ALLC: variants seen among roughly 807,000 people sequenced by gnomAD.
ALLC encodes probable inactive allantoicase.
Under a neutral mutation model 45.0 loss-of-function variants are expected in ALLC, and 40 were observed. The ratio of observed to expected loss-of-function variants is 0.89; its 90% CI spans 0.69 to 1.16. ALLC has a LOEUF of 1.16. Among genes scored for constraint, ALLC ranks in the 50% most tolerant of loss-of-function variants. The pLI is 0.00. For synonymous variants in ALLC, 176 were observed against 178.1 expected, an observed-to-expected ratio of 0.99 and a Z score of 0.09; for missense variants, 488 against 493.1, an observed-to-expected ratio of 0.99 and a Z score of 0.10.
intron 11 of ALLC, 115 bp downstream of exon 11, chr2:3,701,751 A>G (rs910930289): frequency 2.1e-5 from 27 of 1,281,762 alleles, no homozygotes; most frequent in Non-Finnish European, 2.7e-5. Flanking sequence ...TGGTAAAACG[A>G]ATGAGGTTTA....
At chr2:3,693,281 T>G (rs926351150) in intron 7 of ALLC, among the ~76,000 whole-genome samples, 1 of 152,186 alleles carries the variant, frequency 6.6e-6, no homozygotes, top group African/African-American at 2.4e-5. Context: ...CAGAAGTGGT[T>G]CTCTGGAACC....
chr2:3,657,508 TCCTG>T (rs1666470714), upstream of ALLC, among the ~76,000 whole-genome samples: 2 of 152,192 alleles, frequency 1.3e-5, no homozygotes, highest in South Asian at 4.2e-4. Context: ...CGGGTGGCTT[TCCTG>T]CCTTCAAGGC....
At position 3,695,731 on chromosome 2, in the gene ALLC, C is replaced by T. The variant is rs753867733; in HGVS notation, c.526C>T (p.Arg176Ter). The change falls in exon 8 of 12, where the codon CGA (arginine) becomes TGA (stop). Residue 176 changes from arginine (R) to a stop codon, truncating the protein, a stop_gained. Coordinates refer to ENST00000252505, the MANE Select transcript of ALLC (RefSeq NM_018436.4). LOFTEE classifies it high-confidence loss of function. ...LNIFPDGGIARLRVFGTGQKD... is the reference protein window; with the variant it reads ...LNIFPDGGIA The stretch of plus-strand genomic sequence containing the variant: ...TTCCTTTTCAGATGGTGGAATTGCA[C>T]GACTTAGAGTATTCGGTACTGGACA... 1.8e-5 allele frequency: 29 copies of T among 1,613,832 alleles called. No homozygotes were observed. Among genetic ancestry groups the T allele is most frequent in the African/African-American group, 8.0e-5 (6 of 74,910 alleles).
intron 6 of ALLC, 122 bp from the exon 7 acceptor site, chr2:3,682,820 C>CG: frequency 1.9e-6 from 2 of 1,064,422 alleles, no homozygotes; most frequent in Non-Finnish European, 2.7e-6. Flanking sequence ...CCACCGTGCC[C>CG]GGCATCCATC....
chr2:3,656,562 T>C (rs890571223), upstream of ALLC, among the ~76,000 whole-genome samples: 4 of 152,100 alleles, frequency 2.6e-5, no homozygotes, highest in Admixed American at 2.6e-4. Context: ...GTATTGAATT[T>C]AGCATAGCTA....
rs866154851 is a variant in ALLC at position 3,688,669 on chromosome 2, C to T, written c.511+5595C>T. The stretch of plus-strand genomic sequence containing the variant: ...ACCCCTCTAAGTGAGCCTCAGCCTT[C>T]TCCATGGTAATGGAGATTCTAGTGG... On this transcript the variant is annotated intron_variant, in intron 7 of 11. Coordinates refer to ENST00000252505, the MANE Select transcript of ALLC (RefSeq NM_018436.4). 30 of 165,718 alleles carry T rather than the reference C, an allele frequency of 1.8e-4. 1 individual carries two copies. The highest frequency in any genetic ancestry group is 1.2e-3 in the Admixed American group (19 of 15,496). 10.3% of individuals were successfully genotyped at this position (165,718 alleles called of 1,614,324 possible). A position where few individuals can be genotyped will look rare whatever the true frequency, so the allele number is the denominator to read the frequency against.
In ALLC at chr2:3,682,581, A is replaced by G. The variant is rs1160759501; in HGVS notation, c.379-361A>G. On this transcript the variant is annotated intron_variant, in intron 6 of 11. Coordinates refer to ENST00000252505, the MANE Select transcript of ALLC (RefSeq NM_018436.4). ...CGCTCTGTGGCCCAGGCTGGAGTGC[A>G]GGGGCGCGATCTCGGCTCACTGCAA... 5.3e-5 allele frequency among the ~76,000 whole-genome samples: 8 copies of G among 152,314 alleles called. No homozygotes were observed. In the East Asian group the frequency reaches 7.7e-4, roughly 15 times the overall value.
chr2:3,663,347 C>T (rs1274888509), intron 1 of ALLC, among the ~76,000 whole-genome samples: 1 of 152,162 alleles, frequency 6.6e-6, no homozygotes, highest in East Asian at 1.9e-4. Flanking sequence ...TGCATGTTCT[C>T]GCTTATAAGT....
chr2:3,675,404 A>G (rs1358613698), intron 3 of ALLC, among the ~76,000 whole-genome samples: 2 of 132,184 alleles, frequency 1.5e-5, no homozygotes, highest in African/African-American at 5.4e-5. Context: ...AAAAAAAAAA[A>G]AGCAAGCTCT....
intron 11 of ALLC, 45 bp from the exon 12 acceptor site, chr2:3,702,316 CAT>C (rs146639580): frequency 2.1e-5 from 33 of 1,564,840 alleles, no homozygotes; most frequent in African/African-American, 9.5e-5. Flanking sequence ...TTCGGCCACA[CAT>C]GTCCTGTTAA....
rs1667238892 is a variant in ALLC at position 3,683,034 on chromosome 2, C to T, written c.471C>T (p.Ser157=). ...ASGHNYFLVN[S]QQRWTHIRLN... ...GCCACAACTATTTTCTTGTCAATTC[C>T]CAGCAGAGATGGACTCATATCAGAC... The change falls in exon 7 of 12, where the codon TCC becomes TCT. Residue 157 remains serine, a synonymous_variant. Transcript: ENST00000252505. The T allele has an allele frequency of 1.9e-6, 3 of 1,613,846 alleles. No homozygotes were observed. Among genetic ancestry groups the T allele is most frequent in the Non-Finnish European group, 8.5e-7 (1 of 1,179,872 alleles).
chr2:3,682,710 A>G (rs979414518), intron 6 of ALLC, among the ~76,000 whole-genome samples: 2 of 152,188 alleles, frequency 1.3e-5, no homozygotes, highest in East Asian at 3.9e-4. Context: ...TATTTCTAGT[A>G]CAGACGGGGT....
the ALLC span, among the ~76,000 whole-genome samples, chr2:3,649,254 T>G: frequency 6.6e-6 from 1 of 151,880 alleles, no homozygotes; most frequent in Non-Finnish European, 1.5e-5. Flanking sequence ...TTTTTTTTTT[T>G]TTTTTGAGAC....
At position 3,702,358 on chromosome 2, in the gene ALLC, T is replaced by C; in HGVS notation, c.976-5T>C. The C allele has an allele frequency of 6.2e-7, 1 of 1,612,662 alleles. No individual in the cohort carries two copies. Among genetic ancestry groups the C allele is most frequent in the Non-Finnish European group, 8.5e-7 (1 of 1,179,574 alleles). ...CTAGGACCTCTGCATCTGCTTGCTT[T>C]TCAGTTGTCTCCCAACCAAAGTCAT... On this transcript the variant is annotated splice_polypyrimidine_tract_variant and splice_region_variant and intron_variant, in intron 11 of 11. Coordinates refer to ENST00000252505, the MANE Select transcript of ALLC (RefSeq NM_018436.4).
chr2:3,689,942 C>T lies in ALLC; in HGVS notation c.512-5775C>T, dbSNP rs763918432. Among the ~76,000 whole-genome samples, 61 of 117,062 alleles carry T rather than the reference C, an allele frequency of 5.2e-4. 2 individuals carry two copies. The highest frequency in any genetic ancestry group is 9.6e-4 in the Non-Finnish European group (55 of 57,110). The allele number at this position is 117,062 out of a possible 152,430, so 76.8% of individuals were successfully genotyped here. On this transcript the variant is annotated intron_variant, in intron 7 of 11. Coordinates refer to ENST00000252505, the MANE Select transcript of ALLC (RefSeq NM_018436.4). Reference sequence around the variant, plus strand: ...TGACCCATTTATCATTATACAGTGTCTTGTCTTTTTTTTTTTTTAACAGTC... The same window carrying T: ...TGACCCATTTATCATTATACAGTGTTTTGTCTTTTTTTTTTTTTAACAGTC...
At chr2:3,686,247 C>T (rs553919293) in intron 7 of ALLC, among the ~76,000 whole-genome samples, 11 of 150,772 alleles carry the variant, frequency 7.3e-5, no homozygotes, top group Admixed American at 3.3e-4. Flanking sequence ...TTCCCCATTG[C>T]GTGTTCTTGG....
At chr2:3,659,330 T>TA (rs1666513921) in intron 1 of ALLC, among the ~76,000 whole-genome samples, 1 of 152,182 alleles carries the variant, frequency 6.6e-6, no homozygotes, top group Admixed American at 6.5e-5. Flanking sequence ...CTGCCTGAAA[T>TA]TTCATGACTC....
At chr2:3,671,889 G>C (rs112587478) in intron 2 of ALLC, among the ~76,000 whole-genome samples, 24 of 114,790 alleles carry the variant, frequency 2.1e-4, no homozygotes, top group Non-Finnish European at 2.4e-4. Context: ...CTGGTTAGAT[G>C]GGAGGTCCTC....
chr2:3,646,761 A>G, the ALLC span, among the ~76,000 whole-genome samples: 1 of 152,118 alleles, frequency 6.6e-6, no homozygotes, highest in Non-Finnish European at 1.5e-5. Flanking sequence ...TCACCCCTCT[A>G]TCTGCTCACC....
Sources: allele counts gnomAD v4.1 joint callset (sites outside exome capture counted in the v4.1 genomes callset), GRCh38; gene constraint gnomAD v4.1.1; transcripts MANE v1.5; gene names NCBI Gene and HGNC (gene_info 2026-07-23, HGNC 2026-07-21).